Variants in IFTAP observed in about 807,000 individuals in gnomAD.
IFTAP encodes intraflagellar transport associated protein.
Under a neutral mutation model 19.4 loss-of-function variants are expected in IFTAP, and 19 were observed. That is an observed-to-expected ratio of 0.98 (90% CI 0.68 to 1.44). The LOEUF is 1.44. IFTAP is among the 40% of genes most tolerant of loss of function. IFTAP has a pLI of 0.00. For synonymous variants in IFTAP, 85 were observed against 83.5 expected (o/e 1.02, Z -0.10); for missense variants, 240 against 253.6 (o/e 0.95, Z 0.36).
chr11:36,655,599 C>T (rs1853945437), intron 5 of IFTAP, among the ~76,000 whole-genome samples: 1 of 152,080 alleles, frequency 6.6e-6, no homozygotes, highest in South Asian at 2.1e-4. Flanking sequence ...TCTGACATTT[C>T]GACTCAGGGA....
At chr11:36,636,023 TA>T in intron 3 of IFTAP, 27 bp from the exon 4 acceptor site, 2 of 1,526,248 alleles carry the variant, frequency 1.3e-6, no homozygotes, top group Non-Finnish European at 1.8e-6. Context: ...CTATTCTGCT[TA>T]AAAATTATGT....
chr11:36,599,824 A>G (rs1851437140), intron 1 of IFTAP, among the ~76,000 whole-genome samples: 1 of 152,230 alleles, frequency 6.6e-6, no homozygotes. Context: ...AAAGTGTTGT[A>G]TAATGATTAA....
At chr11:36,614,324 G>A (rs1237526041) in intron 2 of IFTAP, among the ~76,000 whole-genome samples, 4 of 147,196 alleles carry the variant, frequency 2.7e-5, no homozygotes, top group African/African-American at 1.0e-4. Flanking sequence ...ATCATTGTTG[G>A]ACATTTGGGT....
At chr11:36,600,296 C>A (rs1036226125) in intron 1 of IFTAP, among the ~76,000 whole-genome samples, 1 of 152,236 alleles carries the variant, frequency 6.6e-6, no homozygotes, top group Non-Finnish European at 1.5e-5. Context: ...AATCCCTGAG[C>A]CACGGACAGG....
Position 36,659,167 on chromosome 11 carries a change from TAG to T in IFTAP, c.651_652del (p.Lys218IlefsTer3), listed in dbSNP as rs1174065149. 7 of 1,587,164 alleles carry T rather than the reference TAG, an allele frequency of 4.4e-6. No homozygotes were observed. The highest frequency in any genetic ancestry group is 6.0e-6 in the Non-Finnish European group (7 of 1,170,176). The stretch of plus-strand genomic sequence containing the variant: ...AAGAGAAAGGACACCAGCCCAGACT[TAG>T]AGAAATCCTGTGACTGATTCACAGA... On this transcript the variant is annotated frameshift_variant, in exon 6 of 6. Coordinates refer to ENST00000334307, the MANE Select transcript of IFTAP (RefSeq NM_138787.4). LOFTEE classifies it high-confidence loss of function.
intron 4 of IFTAP, among the ~76,000 whole-genome samples, chr11:36,638,927 T>C (rs1352765175): frequency 6.6e-6 from 1 of 152,234 alleles, no homozygotes; most frequent in East Asian, 1.9e-4. Flanking sequence ...GGTTTTTCAG[T>C]GGAGCCAACT....
intron 2 of IFTAP, among the ~76,000 whole-genome samples, chr11:36,621,523 G>A (rs1852290752): frequency 6.6e-6 from 1 of 151,882 alleles, no homozygotes; most frequent in African/African-American, 2.4e-5. Context: ...TCATTTTCAT[G>A]TGTTTTCCAG....
At chr11:36,631,632 C>A (rs1402711184) in intron 2 of IFTAP, among the ~76,000 whole-genome samples, 2 of 151,052 alleles carry the variant, frequency 1.3e-5, no homozygotes, top group African/African-American at 4.9e-5. Context: ...CTATCTGTAA[C>A]CCCTTCAGTT....
Position 36,646,265 on chromosome 11 carries a change from G to T in IFTAP, c.359-1751G>T, listed in dbSNP as rs543225273. Among the ~76,000 whole-genome samples the T allele has an allele frequency of 2.6e-5, 4 of 152,258 alleles. No individual in the cohort carries two copies. In the East Asian group the frequency reaches 7.7e-4, roughly 29 times the overall value. On this transcript the variant is annotated intron_variant, in intron 4 of 5. Coordinates refer to ENST00000334307, the MANE Select transcript of IFTAP (RefSeq NM_138787.4). Reference sequence around the variant, plus strand: ...ATTTTGATTTCACATTTGAACTGACGTTTGCGCTGTCAGCCAATGGGTCAG... The same window carrying T: ...ATTTTGATTTCACATTTGAACTGACTTTTGCGCTGTCAGCCAATGGGTCAG...
rs1223109345 is a variant in IFTAP, at chr11:36,648,034, G to C, written c.377G>C (p.Gly126Ala). Residue 126 changes from glycine to alanine, a missense_variant, in exon 5 of 6, where the codon GGA (glycine) becomes GCA (alanine). Transcript: ENST00000334307. ...QMSEDLLLLP[G>A]EVEQDVSTSI... ...CCAACAGATTTGCTGCTGCTTCCAG[G>C]AGAAGTGGAGCAGGATGTAAGCACC... The C allele has an allele frequency of 6.2e-7, 1 of 1,612,976 alleles. No homozygotes were observed. Among genetic ancestry groups the C allele is most frequent in the Non-Finnish European group, 8.5e-7 (1 of 1,179,450 alleles).
chr11:36,636,677 A>G (rs1407469412), intron 4 of IFTAP, among the ~76,000 whole-genome samples: 1 of 152,214 alleles, frequency 6.6e-6, no homozygotes, highest in African/African-American at 2.4e-5. Context: ...TAAAGAAAAT[A>G]AAAGAAAATC....
intron 1 of IFTAP, among the ~76,000 whole-genome samples, chr11:36,601,806 A>G (rs1299753913): frequency 6.6e-6 from 1 of 151,762 alleles, no homozygotes; most frequent in East Asian, 1.9e-4. Flanking sequence ...GGTGGACACC[A>G]TCATGCTCAG....
chr11:36,606,485 CTA>C (rs111719693), intron 1 of IFTAP, among the ~76,000 whole-genome samples: 6,208 of 152,144 alleles, frequency 0.041, 407 homozygotes, highest in African/African-American at 0.14. Context: ...CATGTCATCT[CTA>C]TATTGGGATA....
At chr11:36,647,789 C>T (rs1471445580) in intron 4 of IFTAP, among the ~76,000 whole-genome samples, 1 of 152,054 alleles carries the variant, frequency 6.6e-6, no homozygotes, top group Non-Finnish European at 1.5e-5. Context: ...TTTGGGGGGA[C>T]TCTTACGTTT....
Position 36,598,677 on chromosome 11 carries a change from C to T in IFTAP, c.-24+4085C>T, listed in dbSNP as rs141201565. ...GGCCCTCTACCAACTTTATATCAGG[C>T]AGCTACTGAGTAATAATACAGTGTA... On this transcript the variant is annotated intron_variant, in intron 1 of 5. Coordinates refer to ENST00000334307, the MANE Select transcript of IFTAP (RefSeq NM_138787.4). Among the ~76,000 whole-genome samples, 739 of 152,246 alleles carry T rather than the reference C, an allele frequency of 4.9e-3. 3 individuals are homozygous for T. Among genetic ancestry groups the T allele is most frequent in the Middle Eastern group, 0.01 (3 of 294 alleles).
At position 36,624,007 on chromosome 11, in the gene IFTAP, T is replaced by A. The variant is rs572637664; in HGVS notation, c.137-9277T>A. Among the ~76,000 whole-genome samples the A allele has an allele frequency of 3.9e-4, 59 of 151,222 alleles. No homozygotes were observed. In the South Asian group the frequency reaches 9.2e-3, roughly 24 times the overall value. On this transcript the variant is annotated intron_variant, in intron 2 of 5. Transcript: ENST00000334307. ...TATATATATGTGTGTATATATATAT[T>A]TTTTTCCTCCTTCTTCATTATTTCC...
intron 5 of IFTAP, among the ~76,000 whole-genome samples, chr11:36,653,623 ATGCAACC>A (rs1853838735): frequency 6.6e-6 from 1 of 152,172 alleles, no homozygotes; most frequent in Non-Finnish European, 1.5e-5. Context: ...ATACATAGAA[ATGCAACC>A]TTTCTGTATT....
Position 36,651,117 on chromosome 11 carries a change from T to C in IFTAP, c.498+2962T>C, listed in dbSNP as rs140163059. On this transcript the variant is annotated intron_variant, in intron 5 of 5. Transcript: ENST00000334307. ...AATGGTATTTCTAGTTCTAGATTGCTGAGGAGTCGCCACACTGTCTTCCAC... is the reference window on the plus strand; with the variant it reads ...AATGGTATTTCTAGTTCTAGATTGCCGAGGAGTCGCCACACTGTCTTCCAC... Among the ~76,000 whole-genome samples the C allele has an allele frequency of 7.3e-3, 1,105 of 152,366 alleles. 11 individuals carry two copies. Among genetic ancestry groups the C allele is most frequent in the African/African-American group, 0.025 (1,046 of 41,576 alleles).
intron 2 of IFTAP, among the ~76,000 whole-genome samples, chr11:36,616,550 A>G (rs1852097514): frequency 6.6e-6 from 1 of 152,010 alleles, no homozygotes; most frequent in African/African-American, 2.4e-5. Flanking sequence ...CTGGCCTTTG[A>G]TAGTTCCAAA....
Sources: gnomAD v4.1 joint callset for allele counts (sites outside exome capture counted in the v4.1 genomes callset) on GRCh38, gnomAD v4.1.1 for gene constraint, MANE v1.5 for transcripts, NCBI Gene and HGNC (gene_info 2026-07-23, HGNC 2026-07-21) for gene names.